Variants in AP1G1 observed in about 807,000 individuals in gnomAD.
The protein encoded by AP1G1 is adaptor related protein complex 1 subunit gamma 1.
Under a neutral mutation model 108.3 loss-of-function variants are expected in AP1G1, and 7 were observed. The ratio of observed to expected loss-of-function variants is 0.06; its 90% CI spans 0.04 to 0.12. The LOEUF (loss-of-function observed/expected upper bound fraction) is 0.12, where lower values mean the gene tolerates loss of function less well. Among genes scored for constraint, AP1G1 ranks in the 10% least tolerant of loss-of-function variants. The pLI, the probability that AP1G1 is intolerant of heterozygous loss-of-function variation, is 1.00. For missense variants in AP1G1, 756 were observed against 1,010.7 expected, an observed-to-expected ratio of 0.75 and a Z score of 3.42; for synonymous variants, 379 against 353.5, an observed-to-expected ratio of 1.07 and a Z score of -0.81.
chr16:71,734,753 G>A (rs773383558), intron 21 of AP1G1, 46 bp from the exon 22 acceptor site: 29 of 1,500,952 alleles, frequency 1.9e-5, no homozygotes, highest in Non-Finnish European at 2.5e-5. Context: ...ATTACACAAC[G>A]CTAGGTCAGA....
intron 16 of AP1G1, 122 bp downstream of exon 16, chr16:71,748,129 T>G: frequency 1.0e-6 from 1 of 996,960 alleles, no homozygotes; most frequent in Non-Finnish European, 1.5e-6. Flanking sequence ...TGGAAATTTG[T>G]GTTATTATTC....
Position 71,746,699 on chromosome 16 carries a change from A to G in AP1G1, c.1626-7T>C, listed in dbSNP as rs772278352. ...AACCACTTTCTTAATTCGGCTATAG[A>G]TAAAATGACAAACGAAATAAAATAC... On this transcript the variant is annotated splice_polypyrimidine_tract_variant and splice_region_variant and intron_variant, in intron 16 of 22. Coordinates refer to ENST00000299980, the MANE Select transcript of AP1G1 (RefSeq NM_001128.6). 2 of 1,594,702 alleles carry G rather than the reference A, an allele frequency of 1.3e-6. No individual in the cohort carries two copies. Among genetic ancestry groups the G allele is most frequent in the Non-Finnish European group, 1.7e-6 (2 of 1,167,136 alleles).
chr16:71,788,896 A>C (rs764370194), intron 2 of AP1G1, among the ~76,000 whole-genome samples: 1 of 151,322 alleles, frequency 6.6e-6, no homozygotes, highest in South Asian at 2.1e-4. Flanking sequence ...GCCTCAAGTG[A>C]TTCTCCCACT....
At chr16:71,746,842 T>C in intron 16 of AP1G1, 150 bp from the exon 17 acceptor site, 1 of 575,788 alleles carries the variant, frequency 1.7e-6, no homozygotes, top group Non-Finnish European at 3.0e-6. Context: ...ACAAAACACT[T>C]TACTTTCATC....
chr16:71,780,608 C>A lies in AP1G1; in HGVS notation c.202-6016G>T, dbSNP rs540174625. 1.3e-4 allele frequency among the ~76,000 whole-genome samples: 20 copies of A among 151,428 alleles called. No homozygotes were observed. In the South Asian group the frequency reaches 4.2e-3, roughly 31 times the overall value. ...ACAGGCCTGCAACTGATTGGGTAGA[C>A]CTTTTTAAAAGTCACCTTTATTTAT... On this transcript the variant is annotated intron_variant, in intron 2 of 22. Coordinates refer to ENST00000299980, the MANE Select transcript of AP1G1 (RefSeq NM_001128.6).
At chr16:71,736,384 CTT>C (rs776717308) in intron 21 of AP1G1, among the ~76,000 whole-genome samples, 9 of 135,126 alleles carry the variant, frequency 6.7e-5, no homozygotes, top group Admixed American at 1.5e-4. Flanking sequence ...TAAAATATGA[CTT>C]TTTTTTTTTT....
At chr16:71,779,946 C>G (rs2031942094) in intron 2 of AP1G1, among the ~76,000 whole-genome samples, 1 of 151,800 alleles carries the variant, frequency 6.6e-6, no homozygotes, top group Non-Finnish European at 1.5e-5. Flanking sequence ...CAGCAAGACC[C>G]CATCTCTACA....
At chr16:71,789,253 C>A in intron 2 of AP1G1, 26 bp downstream of exon 2, 1 of 1,593,994 alleles carries the variant, frequency 6.3e-7, no homozygotes, top group Non-Finnish European at 8.6e-7. Context: ...AATACCCTTG[C>A]TACATGTAGT....
chr16:71,758,576 A>T, intron 11 of AP1G1: 7 of 607,090 alleles, frequency 1.2e-5, no homozygotes, highest in South Asian at 1.1e-4. Context: ...TTCAGTGTGC[A>T]CTTAAGTATT....
intron 4 of AP1G1, 45 bp downstream of exon 4, chr16:71,773,176 T>C (rs2031642852): frequency 3.1e-6 from 5 of 1,601,892 alleles, no homozygotes; most frequent in Non-Finnish European, 4.3e-6. Context: ...CTCATCTCCA[T>C]AATACTCCCT....
rs758894758 is a variant in AP1G1 at position 71,732,761 on chromosome 16, C to T, written c.*297G>A. 1.4e-5 allele frequency: 4 copies of T among 282,444 alleles called. No homozygotes were observed. The highest frequency in any genetic ancestry group is 2.2e-5 in the African/African-American group (1 of 45,766). The allele number at this position is 282,444 out of a possible 1,614,324, so 17.5% of individuals were successfully genotyped here. On this transcript the variant is annotated 3_prime_UTR_variant, in exon 23 of 23. Coordinates refer to ENST00000299980, the MANE Select transcript of AP1G1 (RefSeq NM_001128.6). ...GACCAGCTGCTTATTTCCTCAGGGG[C>T]CCAGGGAATGTTGATTCTGGCTGTA...
At chr16:71,767,880 T>C in intron 6 of AP1G1, 1 of 1,599,346 alleles carries the variant, frequency 6.3e-7, no homozygotes, top group South Asian at 1.1e-5. Flanking sequence ...TTCTTACCTT[T>C]TCATTCTAAC....
chr16:71,798,980 G>GA (rs895107559), intron 1 of AP1G1, among the ~76,000 whole-genome samples: 19 of 148,306 alleles, frequency 1.3e-4, no homozygotes, highest in Middle Eastern at 3.6e-3. Flanking sequence ...CCTACAGGAG[G>GA]AAAAAAAAAG....
rs564164518 is a variant in AP1G1 at position 71,730,477 on chromosome 16, C to T, written c.*2581G>A. 136 of 152,554 alleles carry T rather than the reference C, an allele frequency of 8.9e-4. No individual in the cohort carries two copies. Among genetic ancestry groups the T allele is most frequent in the Non-Finnish European group, 1.7e-3 (119 of 68,026 alleles). The allele number at this position is 152,554 out of a possible 1,614,324, so 9.5% of individuals were successfully genotyped here. ...TCACAATGCCTGTGAAGTCGTAAATCCATCCAAATTTGCTCCCCCTTGAGT... is the reference window on the plus strand; with the variant it reads ...TCACAATGCCTGTGAAGTCGTAAATTCATCCAAATTTGCTCCCCCTTGAGT... On this transcript the variant is annotated 3_prime_UTR_variant, in exon 23 of 23. Transcript: ENST00000299980.
intron 2 of AP1G1, among the ~76,000 whole-genome samples, chr16:71,779,262 C>T (rs968886075): frequency 3.9e-5 from 6 of 152,046 alleles, no homozygotes; most frequent in Non-Finnish European, 7.4e-5. Context: ...CCACCCCACC[C>T]CCGCCAATAT....
At chr16:71,750,610 T>C in intron 13 of AP1G1, 1 of 306,114 alleles carries the variant, frequency 3.3e-6, no homozygotes, top group Non-Finnish European at 6.3e-6. Context: ...GAGATGGGGT[T>C]TCACCATGTT....
chr16:71,767,744 G>C (rs910657668), intron 6 of AP1G1: 1 of 866,498 alleles, frequency 1.2e-6, no homozygotes, highest in Non-Finnish European at 1.8e-6. Flanking sequence ...AAAGATGGTA[G>C]AACAATAACT....
At chr16:71,797,437 G>A (rs576933592) in intron 1 of AP1G1, among the ~76,000 whole-genome samples, 1 of 151,996 alleles carries the variant, frequency 6.6e-6, no homozygotes, top group Non-Finnish European at 1.5e-5. Flanking sequence ...ACCTAGTAAG[G>A]TGTCATTCAT....
chr16:71,785,038 C>T (rs1475233094), intron 2 of AP1G1, among the ~76,000 whole-genome samples: 2 of 150,434 alleles, frequency 1.3e-5, no homozygotes, highest in Non-Finnish European at 3.0e-5. Context: ...TCTAAAATAT[C>T]ATTTCAACGT....
Sources: gnomAD v4.1 joint callset for allele counts (sites outside exome capture counted in the v4.1 genomes callset) on GRCh38, gnomAD v4.1.1 for gene constraint, MANE v1.5 for transcripts, NCBI Gene and HGNC (gene_info 2026-07-23, HGNC 2026-07-21) for gene names.